FANCA: variants seen among roughly 807,000 people sequenced by gnomAD.
The protein encoded by FANCA is FA complementation group A.
Under a neutral mutation model 194.3 loss-of-function variants are expected in FANCA, and 236 were observed. The ratio of observed to expected loss-of-function variants is 1.21; its 90% CI spans 1.09 to 1.35. The LOEUF (loss-of-function observed/expected upper bound fraction) is 1.35. Ranked by LOEUF, FANCA falls within the 40% of genes most tolerant of loss-of-function variation. The pLI is 0.00. For synonymous variants in FANCA, 1,014 were observed against 715.8 expected (o/e 1.42, Z -6.65); for missense variants, 2,628 against 1,813.9 (o/e 1.45, Z -8.15).
At chr16:89,758,028 G>T (rs1015054600) in intron 30 of FANCA, among the ~76,000 whole-genome samples, 1 of 152,050 alleles carries the variant, frequency 6.6e-6, no homozygotes, top group Non-Finnish European at 1.5e-5. Context: ...GCTAATTTTT[G>T]TATTTTTAGT....
chr16:89,739,334 A>G, intron 40 of FANCA, 45 bp from the exon 41 acceptor site: 3 of 1,611,664 alleles, frequency 1.9e-6, no homozygotes, highest in African/African-American at 1.3e-5. Context: ...ACTGCTGGAA[A>G]GGTAGCAGGT....
chr16:89,739,770 A>G (rs2062079865), intron 39 of FANCA: 17 of 1,476,636 alleles, frequency 1.2e-5, no homozygotes, highest in Non-Finnish European at 1.4e-5. Context: ...TGGTGCAGAG[A>G]GAGGCAGTCC....
intron 37 of FANCA, 80 bp from the exon 38 acceptor site, chr16:89,740,946 T>G: frequency 7.6e-7 from 1 of 1,315,142 alleles, no homozygotes; most frequent in South Asian, 1.3e-5. Flanking sequence ...ACATTCCTCT[T>G]TAATTGAAAT....
At position 89,761,046 on chromosome 16, in the gene FANCA, G is replaced by C. The variant is rs577117156; in HGVS notation, c.2852+903C>G. 9.2e-5 allele frequency among the ~76,000 whole-genome samples: 14 copies of C among 152,228 alleles called. No homozygotes were observed. In the South Asian group the frequency reaches 2.7e-3, roughly 29 times the overall value. ...TTGTTTATTCCCCTCTATACTCCCT[G>C]CTTCTAGAACACTCTAGAATTGTCT... On this transcript the variant is annotated intron_variant, in intron 29 of 42. Coordinates refer to ENST00000389301, the MANE Select transcript of FANCA (RefSeq NM_000135.4).
chr16:89,759,450 G>A (rs966242785), intron 29 of FANCA, among the ~76,000 whole-genome samples: 2 of 151,522 alleles, frequency 1.3e-5, no homozygotes, highest in Non-Finnish European at 2.9e-5. Flanking sequence ...CTGTGGATAC[G>A]GATGGGAAGG....
chr16:89,738,142 C>G lies in FANCA; in HGVS notation c.*459G>C. ...CATGTCCATGGTGCACCCGCTGACA[C>G]AGACCCAGGACAAGGCCCTGCCCCT... On this transcript the variant is annotated 3_prime_UTR_variant, in exon 43 of 43. Transcript: ENST00000389301. The G allele has an allele frequency of 6.2e-7, 1 of 1,613,700 alleles. No homozygotes were observed. The highest frequency in any genetic ancestry group is 8.5e-7 in the Non-Finnish European group (1 of 1,180,014).
intron 30 of FANCA, among the ~76,000 whole-genome samples, chr16:89,756,554 G>C (rs2038773167): frequency 6.6e-6 from 1 of 152,170 alleles, no homozygotes; most frequent in African/African-American, 2.4e-5. Context: ...GAGCCCAGGA[G>C]GTCGAGGCTG....
chr16:89,759,318 T>TAAAAAAAAAAAAA lies in FANCA; in HGVS notation c.2853-626_2853-614dup, dbSNP rs71137673. 1.7e-4 allele frequency among the ~76,000 whole-genome samples: 13 copies of TAAAAAAAAAAAAA among 75,200 alleles called. 2 individuals carry two copies. The highest frequency in any genetic ancestry group is 2.8e-4 in the Non-Finnish European group (11 of 38,980). 49.3% of individuals were successfully genotyped at this position (75,200 alleles called of 152,430 possible). A position where few individuals can be genotyped will look rare whatever the true frequency, so the allele number is the denominator to read the frequency against. On this transcript the variant is annotated intron_variant, in intron 29 of 42. Coordinates refer to ENST00000389301, the MANE Select transcript of FANCA (RefSeq NM_000135.4). ...TTGGGCAACAGAGCGAGACTCCGTCTAAAAAAAAAAAAAAAAAAAAAAAAA... is the reference window on the plus strand; with the variant it reads ...TTGGGCAACAGAGCGAGACTCCGTCTAAAAAAAAAAAAAAAAAAAAAAAAAAAAAAAAAAAAAA...
chr16:89,791,955 G>C lies in FANCA; in HGVS notation c.1197C>G (p.Cys399Trp), dbSNP rs771059502. 2 of 1,614,068 alleles carry C rather than the reference G, an allele frequency of 1.2e-6. No individual in the cohort carries two copies. Among genetic ancestry groups the C allele is most frequent in the African/African-American group, 1.3e-5 (1 of 74,926 alleles). Residue 399 changes from cysteine (C) to tryptophan (W), a missense_variant, in exon 13 of 43, where the codon TGC (cysteine) becomes TGG (tryptophan). Cys to Trp is a radical substitution (Grantham distance 215, BLOSUM62 -2). Transcript: ENST00000389301. ...VLSFVSALVV[C>W]FPEAQQLLED... ...CAAGCAGCTGCTGCGCTTCTGGAAA[G>C]CAGACAACCAGGGCAGACACAAAGG... is the stretch of plus-strand genomic sequence containing the variant.
chr16:89,766,458 C>G (rs2039130840), intron 27 of FANCA, among the ~76,000 whole-genome samples: 1 of 151,956 alleles, frequency 6.6e-6, no homozygotes, highest in Admixed American at 6.6e-5. Flanking sequence ...GCCTGTAATC[C>G]CAGCACTTTG....
At chr16:89,772,277 C>T (rs7190403) in intron 22 of FANCA, among the ~76,000 whole-genome samples, 1 of 152,182 alleles carries the variant, frequency 6.6e-6, no homozygotes, top group Non-Finnish European at 1.5e-5. Context: ...AGCACTGGAA[C>T]TTTTCCTCCA....
intron 20 of FANCA, among the ~76,000 whole-genome samples, chr16:89,776,952 T>A (rs1007404814): frequency 6.6e-6 from 1 of 151,766 alleles, no homozygotes; most frequent in Non-Finnish European, 1.5e-5. Flanking sequence ...TGGCTCATAT[T>A]TGTAATCCCA....
In FANCA at chr16:89,739,835, T is replaced by C. The variant is rs141348543; in HGVS notation, c.3934+159A>G. 7.0e-5 allele frequency: 104 copies of C among 1,488,690 alleles called. No individual in the cohort carries two copies. In the East Asian group the frequency reaches 1.2e-3, roughly 17 times the overall value. The allele number at this position is 1,488,690 out of a possible 1,614,324, so 92.2% of individuals were successfully genotyped here. On this transcript the variant is annotated intron_variant, in intron 39 of 42. Coordinates refer to ENST00000389301, the MANE Select transcript of FANCA (RefSeq NM_000135.4). ...ACCAGTGAGCCAGTAAATTATCTTA[T>C]TGCTTTAAACAAGTTTGTGCTTAAT...
intron 14 of FANCA, among the ~76,000 whole-genome samples, chr16:89,789,494 G>T (rs1209517822): frequency 7.1e-6 from 1 of 140,696 alleles, no homozygotes; most frequent in African/African-American, 2.7e-5. Context: ...AGGCTGGAGC[G>T]TAGTAATGCA....
At chr16:89,746,455 T>G (rs1037406277) in intron 35 of FANCA, 129 bp downstream of exon 35, 10 of 774,694 alleles carry the variant, frequency 1.3e-5, no homozygotes, top group Non-Finnish European at 2.3e-5. Flanking sequence ...GTGGCTTCCA[T>G]GTCTCCTGAT....
intron 28 of FANCA, chr16:89,762,678 G>T (rs776988257): frequency 5.2e-5 from 19 of 368,446 alleles, no homozygotes; most frequent in Non-Finnish European, 9.0e-5. Context: ...GCCCAGGCTG[G>T]AGTGTGTGCA....
chr16:89,798,609 T>C, intron 10 of FANCA: 5 of 1,157,882 alleles, frequency 4.3e-6, no homozygotes, highest in Non-Finnish European at 5.3e-6. Context: ...GATGTCCACC[T>C]TCCACCCAGC....
At chr16:89,791,326 G>C in intron 14 of FANCA, 77 bp downstream of exon 14, 1 of 1,565,260 alleles carries the variant, frequency 6.4e-7, no homozygotes, top group South Asian at 1.2e-5. Flanking sequence ...AGAGAATCAG[G>C]TGGGGACAGC....
chr16:89,779,873 C>T lies in FANCA; in HGVS notation c.1711G>A (p.Ala571Thr). ...TGNIPVTVME[A>T]SIFRRPYYVS... Reference sequence around the variant, plus strand: ...CTTTTCGGCAGCCCAGCCTACCTGGCCTCCATGACGGTGACTGGGATGTTC... The same window carrying T: ...CTTTTCGGCAGCCCAGCCTACCTGGTCTCCATGACGGTGACTGGGATGTTC... The change falls in exon 18 of 43, where the codon GCC (alanine) becomes ACC (threonine). Residue 571 changes from alanine (A) to threonine (T), a missense_variant. Ala to Thr is a moderately conservative substitution (Grantham distance 58, BLOSUM62 0). Transcript: ENST00000389301. 6.2e-7 allele frequency: 1 copy of T among 1,613,592 alleles called. No homozygotes were observed. Among genetic ancestry groups the T allele is most frequent in the South Asian group, 1.1e-5 (1 of 91,054 alleles).
Sources: gnomAD v4.1 joint callset for allele counts (sites outside exome capture counted in the v4.1 genomes callset) on GRCh38, gnomAD v4.1.1 for gene constraint, MANE v1.5 for transcripts, NCBI Gene and HGNC (gene_info 2026-07-23, HGNC 2026-07-21) for gene names.